SHISA9: variants seen among roughly 807,000 people sequenced by gnomAD.
The protein encoded by SHISA9 is shisa family member 9.
A neutral mutation model predicts 38.0 loss-of-function variants in SHISA9; 13 were observed. The observed-to-expected ratio is 0.34, with a 90% CI of 0.22 to 0.54. SHISA9 has a LOEUF of 0.54. SHISA9 is among the 20% of genes least tolerant of loss of function. The probability of loss-of-function intolerance (pLI) is 0.91; values close to 1 mark genes in which losing one functional copy is unlikely to be tolerated. For missense variants in SHISA9, 538 were observed against 575.8 expected (o/e 0.93, Z 0.67); for synonymous variants, 275 against 242.0 (o/e 1.14, Z -1.27).
At chr16:13,035,394 C>T (rs1030271636) in intron 2 of SHISA9, among the ~76,000 whole-genome samples, 1 of 152,152 alleles carries the variant, frequency 6.6e-6, no homozygotes, top group Non-Finnish European at 1.5e-5. Context: ...TTCCTACATC[C>T]CTACAGTGTA....
intron 2 of SHISA9, among the ~76,000 whole-genome samples, chr16:13,142,298 A>G (rs1229309405): frequency 2.0e-5 from 3 of 152,178 alleles, no homozygotes; most frequent in African/African-American, 7.2e-5. Context: ...CTAAGCCCAG[A>G]TCAGTAATAG....
chr16:13,025,953 G>GCAC (rs1269941437), intron 2 of SHISA9, among the ~76,000 whole-genome samples: 1 of 151,930 alleles, frequency 6.6e-6, no homozygotes, highest in African/African-American at 2.4e-5. Context: ...TTACAGGCAT[G>GCAC]CACCACCATG....
At chr16:13,495,994 A>G in the SHISA9 span, among the ~76,000 whole-genome samples, 1 of 152,136 alleles carries the variant, frequency 6.6e-6, no homozygotes, top group Admixed American at 6.6e-5. Context: ...ATCCTAAAAA[A>G]TGGGACAAAA....
intron 2 of SHISA9, among the ~76,000 whole-genome samples, chr16:13,020,672 C>T (rs1337153171): frequency 6.6e-6 from 1 of 152,194 alleles, no homozygotes; most frequent in Non-Finnish European, 1.5e-5. Context: ...ATATGGCACT[C>T]AAGATGTATT....
At chr16:13,427,668 GGAGA>G in the SHISA9 span, among the ~76,000 whole-genome samples, 2 of 152,116 alleles carry the variant, frequency 1.3e-5, no homozygotes, top group Non-Finnish European at 1.5e-5. Flanking sequence ...CAGTGTGGCT[GGAGA>G]GAGAGAGGGA....
At chr16:13,353,300 TAAG>T in the SHISA9 span, among the ~76,000 whole-genome samples, 2 of 151,994 alleles carry the variant, frequency 1.3e-5, no homozygotes, top group African/African-American at 4.8e-5. Flanking sequence ...CTAAATGGAA[TAAG>T]AAGGAGAAAA....
intron 2 of SHISA9, among the ~76,000 whole-genome samples, chr16:13,051,453 A>G (rs764549958): frequency 2.6e-5 from 4 of 152,222 alleles, no homozygotes; most frequent in Non-Finnish European, 4.4e-5. Flanking sequence ...AAACCATTTC[A>G]GTACTGAATG....
At chr16:13,343,592 T>A in the SHISA9 span, among the ~76,000 whole-genome samples, 1 of 152,156 alleles carries the variant, frequency 6.6e-6, no homozygotes, top group Non-Finnish European at 1.5e-5. Context: ...AGGAAAATAA[T>A]CATCAACTGC....
the SHISA9 span, among the ~76,000 whole-genome samples, chr16:13,480,213 G>A: frequency 2.0e-5 from 3 of 152,112 alleles, no homozygotes; most frequent in Non-Finnish European, 4.4e-5. Context: ...GAGAAAACAA[G>A]GCTTGGGCTG....
chr16:13,403,399 A>C, the SHISA9 span, among the ~76,000 whole-genome samples: 2 of 152,320 alleles, frequency 1.3e-5, no homozygotes, highest in South Asian at 4.1e-4. Flanking sequence ...TTTAGCATGC[A>C]GTATATCTTT....
rs145910308 is a variant in SHISA9 at position 12,976,180 on chromosome 16, C to T, written c.691+59365C>T. Among the ~76,000 whole-genome samples the T allele has an allele frequency of 3.2e-4, 49 of 152,202 alleles. No homozygotes were observed. The East Asian group carries it at 5.0e-3, about 16-fold the overall frequency. ...CCGGCTCACTGTAACCTCTGCTTCT[C>T]GGGTTCAAGAGATTCTTGTGCCTCA... On this transcript the variant is annotated intron_variant, in intron 2 of 4. Coordinates refer to ENST00000558583, the MANE Select transcript of SHISA9 (RefSeq NM_001145204.3).
At chr16:13,076,028 G>T (rs1014696616) in intron 2 of SHISA9, among the ~76,000 whole-genome samples, 24 of 147,502 alleles carry the variant, frequency 1.6e-4, no homozygotes, top group Non-Finnish European at 2.8e-4. Context: ...TTGAGAAATA[G>T]ATTTTTTTTT....
At chr16:13,303,233 A>G in the SHISA9 span, among the ~76,000 whole-genome samples, 1 of 152,230 alleles carries the variant, frequency 6.6e-6, no homozygotes, top group African/African-American at 2.4e-5. Flanking sequence ...GTATATACTC[A>G]AAAGAAAGGA....
rs574053419 is a variant in SHISA9, at chr16:13,211,843, G to T, written c.848-1410G>T. ...ATGGCTTCCCTGGAGTCAGCGACTTGTTGGCTTGGTCAGCGTGTGGCCATC... is the reference window on the plus strand; with the variant it reads ...ATGGCTTCCCTGGAGTCAGCGACTTTTTGGCTTGGTCAGCGTGTGGCCATC... On this transcript the variant is annotated intron_variant, in intron 3 of 4. Transcript: ENST00000558583. Among the ~76,000 whole-genome samples, 198 of 152,324 alleles carry T rather than the reference G, an allele frequency of 1.3e-3. 1 individual carries two copies. Among genetic ancestry groups the T allele is most frequent in the African/African-American group, 4.6e-3 (192 of 41,572 alleles).
intron 2 of SHISA9, among the ~76,000 whole-genome samples, chr16:13,185,908 A>G (rs1026896630): frequency 3.3e-5 from 5 of 152,312 alleles, no homozygotes; most frequent in African/African-American, 1.2e-4. Context: ...AGTTTTGTAA[A>G]ACTGGAAATG....
At chr16:13,433,335 A>T in the SHISA9 span, among the ~76,000 whole-genome samples, 79 of 152,228 alleles carry the variant, frequency 5.2e-4, no homozygotes, top group African/African-American at 1.8e-3. Context: ...GTAAATCTGA[A>T]GTAACCAAAG....
At chr16:13,417,412 C>T in the SHISA9 span, among the ~76,000 whole-genome samples, 1 of 151,964 alleles carries the variant, frequency 6.6e-6, no homozygotes, top group Admixed American at 6.5e-5. Context: ...CTGAATCTGT[C>T]CACTAAAGGA....
At chr16:13,425,817 T>G in the SHISA9 span, among the ~76,000 whole-genome samples, 1 of 152,350 alleles carries the variant, frequency 6.6e-6, no homozygotes, top group East Asian at 1.9e-4. Context: ...TCGTTGTTAT[T>G]TGCTTGTTTG....
chr16:12,929,812 A>G (rs2071440336), intron 2 of SHISA9, among the ~76,000 whole-genome samples: 1 of 152,126 alleles, frequency 6.6e-6, no homozygotes, highest in African/African-American at 2.4e-5. Context: ...TTGAAGGGAA[A>G]AAAACATGTT....
Sources: allele counts gnomAD v4.1 joint callset (sites outside exome capture counted in the v4.1 genomes callset), GRCh38; gene constraint gnomAD v4.1.1; transcripts MANE v1.5; gene names NCBI Gene and HGNC (gene_info 2026-07-23, HGNC 2026-07-21).